The following GRIN2A variants were observed in gnomAD, a reference collection of about 807,000 sequenced individuals.
GRIN2A encodes the protein glutamate ionotropic receptor NMDA type subunit 2A.
A neutral mutation model predicts 113.4 loss-of-function variants in GRIN2A; 22 were observed. The ratio of observed to expected loss-of-function variants is 0.19; its 90% CI spans 0.14 to 0.28. The LOEUF (loss-of-function observed/expected upper bound fraction) is 0.28. Among genes scored for constraint, GRIN2A ranks in the 10% least tolerant of loss-of-function variants. GRIN2A has a pLI of 1.00. For synonymous variants in GRIN2A, 827 were observed against 738.4 expected, an observed-to-expected ratio of 1.12 and a Z score of -1.94; for missense variants, 1,502 against 1,887.0, an observed-to-expected ratio of 0.80 and a Z score of 3.78.
chr16:10,102,883 A>G (rs1456419858), intron 2 of GRIN2A, among the ~76,000 whole-genome samples: 1 of 152,108 alleles, frequency 6.6e-6, no homozygotes, highest in Non-Finnish European at 1.5e-5. Context: ...GTTCTAGATC[A>G]CTCTTGCACT....
intron 10 of GRIN2A, among the ~76,000 whole-genome samples, chr16:9,813,323 G>T (rs190294991): frequency 8.9e-4 from 135 of 152,224 alleles, no homozygotes; most frequent in Middle Eastern, 3.4e-3. Context: ...TTGTATATAT[G>T]CGTTGACAAT....
intron 2 of GRIN2A, among the ~76,000 whole-genome samples, chr16:10,048,182 A>C (rs995066998): frequency 2.6e-5 from 4 of 152,206 alleles, no homozygotes; most frequent in Admixed American, 2.6e-4. Flanking sequence ...AGTTTTCTTT[A>C]TGTAAAATGC....
At chr16:9,948,231 A>T (rs1476196276) in intron 2 of GRIN2A, among the ~76,000 whole-genome samples, 3 of 152,202 alleles carry the variant, frequency 2.0e-5, no homozygotes, top group Non-Finnish European at 4.4e-5. Flanking sequence ...CCTCACACTA[A>T]TGTTTCAGGG....
At chr16:10,056,980 T>A (rs1368750714) in intron 2 of GRIN2A, among the ~76,000 whole-genome samples, 1 of 151,876 alleles carries the variant, frequency 6.6e-6, no homozygotes, top group African/African-American at 2.4e-5. Flanking sequence ...CCCCAGCCAG[T>A]AATCTTCTCA....
At chr16:9,888,560 T>A (rs2043631030) in intron 4 of GRIN2A, among the ~76,000 whole-genome samples, 1 of 152,028 alleles carries the variant, frequency 6.6e-6, no homozygotes, top group African/African-American at 2.4e-5. Context: ...TAATCATTGA[T>A]CAAAAATCAT....
intron 4 of GRIN2A, among the ~76,000 whole-genome samples, chr16:9,857,585 T>G (rs2042990918): frequency 6.6e-6 from 1 of 152,200 alleles, no homozygotes; most frequent in African/African-American, 2.4e-5. Flanking sequence ...AAATCCCAGC[T>G]GTACCACTTG....
intron 2 of GRIN2A, among the ~76,000 whole-genome samples, chr16:10,026,868 C>G (rs1309393381): frequency 6.6e-6 from 1 of 152,188 alleles, no homozygotes; most frequent in Non-Finnish European, 1.5e-5. Context: ...ACTGCACTTC[C>G]AGTCCCCTCT....
intron 2 of GRIN2A, among the ~76,000 whole-genome samples, chr16:10,035,036 C>T (rs1013846483): frequency 9.9e-5 from 15 of 151,816 alleles, no homozygotes; most frequent in Admixed American, 4.6e-4. Context: ...TTTCTTTTAA[C>T]GTGTTTAGAG....
intron 4 of GRIN2A, among the ~76,000 whole-genome samples, chr16:9,858,821 A>C (rs1431054365): frequency 6.6e-6 from 1 of 152,188 alleles, no homozygotes; most frequent in Non-Finnish European, 1.5e-5. Context: ...TGTCCGGATA[A>C]ATTCAGAGGG....
intron 4 of GRIN2A, among the ~76,000 whole-genome samples, chr16:9,874,538 C>A (rs978161888): frequency 6.6e-6 from 1 of 152,142 alleles, no homozygotes; most frequent in Admixed American, 6.5e-5. Context: ...GGGGGACCCC[C>A]AACATGAGTT....
At chr16:9,928,097 G>A (rs527526277) in intron 3 of GRIN2A, among the ~76,000 whole-genome samples, 2 of 152,282 alleles carry the variant, frequency 1.3e-5, no homozygotes, top group South Asian at 2.1e-4. Flanking sequence ...GCACCATCAC[G>A]CTGGACCGTG....
At chr16:10,126,201 C>T (rs886887936) in intron 2 of GRIN2A, among the ~76,000 whole-genome samples, 22 of 150,942 alleles carry the variant, frequency 1.5e-4, no homozygotes, top group African/African-American at 2.2e-4. Flanking sequence ...CTCGCTCTGT[C>T]GCCCAGGCTG....
chr16:10,161,627 G>A (rs970834377), intron 2 of GRIN2A, among the ~76,000 whole-genome samples: 1 of 152,198 alleles, frequency 6.6e-6, no homozygotes, highest in Admixed American at 6.5e-5. Context: ...TCCTATTGCT[G>A]TTCTAACAAA....
At chr16:10,131,740 G>C (rs2049068566) in intron 2 of GRIN2A, among the ~76,000 whole-genome samples, 1 of 152,198 alleles carries the variant, frequency 6.6e-6, no homozygotes, top group Non-Finnish European at 1.5e-5. Context: ...AATGGCCTGA[G>C]TGCCTGCTGT....
rs191179682 is a variant in GRIN2A at position 10,053,280 on chromosome 16, G to A, written c.415-114729C>T. ...AGCAGAGGATCCTATGGAAAAGGTG[G>A]TTTGATCTACAGGACCTTAAATGTC... On this transcript the variant is annotated intron_variant, in intron 2 of 12. Transcript: ENST00000330684. Among the ~76,000 whole-genome samples the A allele has an allele frequency of 1.5e-3, 226 of 152,284 alleles. 1 individual carries two copies. Among genetic ancestry groups the A allele is most frequent in the Admixed American group, 2.1e-3 (32 of 15,298 alleles).
At chr16:9,848,742 TATA>T (rs2042824563) in intron 5 of GRIN2A, among the ~76,000 whole-genome samples, 1 of 123,182 alleles carries the variant, frequency 8.1e-6, no homozygotes, top group Non-Finnish European at 1.6e-5. Flanking sequence ...TACACTGTTT[TATA>T]ATATTTTAAA....
intron 2 of GRIN2A, among the ~76,000 whole-genome samples, chr16:10,097,281 A>C (rs2048312881): frequency 6.6e-6 from 1 of 152,220 alleles, no homozygotes; most frequent in Admixed American, 6.5e-5. Context: ...TTTAAAAATA[A>C]ATGTGCTTAA....
intron 2 of GRIN2A, among the ~76,000 whole-genome samples, chr16:9,989,221 C>T (rs2046050368): frequency 6.6e-6 from 1 of 152,006 alleles, no homozygotes; most frequent in South Asian, 2.1e-4. Flanking sequence ...AATACAGACC[C>T]CCTAAAATAA....
chr16:9,789,693 C>T (rs1178294345), intron 11 of GRIN2A, among the ~76,000 whole-genome samples: 1 of 152,158 alleles, frequency 6.6e-6, no homozygotes, highest in Non-Finnish European at 1.5e-5. Context: ...TCCAGTTTGG[C>T]AAAGGGTCTG....
Sources: gnomAD v4.1 joint callset for allele counts (sites outside exome capture counted in the v4.1 genomes callset) on GRCh38, gnomAD v4.1.1 for gene constraint, MANE v1.5 for transcripts, NCBI Gene and HGNC (gene_info 2026-07-23, HGNC 2026-07-21) for gene names.